The following GNA12 variants were observed in gnomAD, a reference collection of about 807,000 sequenced individuals.
GNA12 encodes G protein subunit alpha 12, also known as guanine nucleotide-binding protein subunit alpha-12.
GNA12 carries 9 observed loss-of-function variants against 26.0 expected under a neutral mutation model. That is an observed-to-expected ratio of 0.35 (90% CI 0.21 to 0.60). The LOEUF (loss-of-function observed/expected upper bound fraction) is 0.60, where lower values mean the gene tolerates loss of function less well. Ranked by LOEUF, GNA12 falls within the 20% of genes least tolerant of loss-of-function variation. GNA12 has a pLI of 0.78. For synonymous variants in GNA12, 264 were observed against 219.6 expected (o/e 1.20, Z -1.79); for missense variants, 405 against 525.8 (o/e 0.77, Z 2.25).
intron 1 of GNA12, among the ~76,000 whole-genome samples, chr7:2,796,171 C>G (rs1055068967): frequency 6.6e-6 from 1 of 152,120 alleles, no homozygotes; most frequent in Non-Finnish European, 1.5e-5. Context: ...AGCCTCCACC[C>G]CTTATCCGTG....
chr7:2,841,397 G>A (rs1284608586), intron 1 of GNA12, among the ~76,000 whole-genome samples: 1 of 152,150 alleles, frequency 6.6e-6, no homozygotes, highest in African/African-American at 2.4e-5. Context: ...TTTTATGCCT[G>A]CCTGGTTCTG....
chr7:2,781,149 TAC>T (rs1224389623), intron 2 of GNA12, among the ~76,000 whole-genome samples: 3 of 152,222 alleles, frequency 2.0e-5, no homozygotes, highest in African/African-American at 7.2e-5. Context: ...CTTTGTAGGT[TAC>T]AGATAGCAAA....
At chr7:2,761,253 T>TC (rs1203126086) in intron 2 of GNA12, among the ~76,000 whole-genome samples, 5 of 151,910 alleles carry the variant, frequency 3.3e-5, no homozygotes, top group Non-Finnish European at 7.4e-5. Flanking sequence ...GATGGCACAG[T>TC]CCCCCTCTGG....
chr7:2,740,976 C>G (rs551701195), intron 2 of GNA12, among the ~76,000 whole-genome samples: 1 of 152,318 alleles, frequency 6.6e-6, no homozygotes, highest in South Asian at 2.1e-4. Flanking sequence ...ACCCGGGAGG[C>G]AGAGCTTGCA....
chr7:2,762,376 C>T (rs1791602114), intron 2 of GNA12: 2 of 439,304 alleles, frequency 4.6e-6, no homozygotes, highest in East Asian at 3.7e-5. Context: ...CACGGTATGG[C>T]GGTTCCCACT....
At chr7:2,840,698 A>T (rs184716652) in intron 1 of GNA12, among the ~76,000 whole-genome samples, 12 of 152,064 alleles carry the variant, frequency 7.9e-5, no homozygotes, top group Non-Finnish European at 1.8e-4. Context: ...ATCTCTACAA[A>T]AATGAGCTGG....
intron 1 of GNA12, among the ~76,000 whole-genome samples, chr7:2,831,376 TA>T (rs1272962548): frequency 6.6e-6 from 1 of 150,424 alleles, no homozygotes; most frequent in Non-Finnish European, 1.5e-5. Context: ...CTCCCCACCC[TA>T]AAACTAAAAT....
intron 2 of GNA12, among the ~76,000 whole-genome samples, chr7:2,761,878 C>A (rs955271218): frequency 2.0e-5 from 3 of 152,190 alleles, no homozygotes; most frequent in Non-Finnish European, 1.5e-5. Flanking sequence ...TAAAATTCGG[C>A]TTCCAGCTGG....
At chr7:2,803,220 C>G (rs1792856784) in intron 1 of GNA12, among the ~76,000 whole-genome samples, 1 of 152,200 alleles carries the variant, frequency 6.6e-6, no homozygotes, top group South Asian at 2.1e-4. Flanking sequence ...GAGGCCAGCC[C>G]CATAACTGGA....
In GNA12 at chr7:2,729,653, TCGGGG is replaced by T. The variant is rs1789788574; in HGVS notation, c.*1523_*1527del. ...AGCCAAGGGTGAGCTGCAGAGGGGC[TCGGGG>T]CTCGGGGCAGCACGGCCTCGGGACG... On this transcript the variant is annotated 3_prime_UTR_variant, in exon 4 of 4. Coordinates refer to ENST00000275364, the MANE Select transcript of GNA12 (RefSeq NM_007353.3). 1 of 152,086 alleles carries T rather than the reference TCGGGG, an allele frequency of 6.6e-6. No homozygotes were observed. Among genetic ancestry groups the T allele is most frequent in the South Asian group, 2.1e-4 (1 of 4,808 alleles). 9.4% of individuals were successfully genotyped at this position (152,086 alleles called of 1,614,324 possible). A position where few individuals can be genotyped will look rare whatever the true frequency, so the allele number is the denominator to read the frequency against.
intron 2 of GNA12, among the ~76,000 whole-genome samples, chr7:2,744,786 A>G (rs561386460): frequency 8.8e-4 from 134 of 152,310 alleles, no homozygotes; most frequent in African/African-American, 3.2e-3. Context: ...AATTAGACAA[A>G]TGGATAACTA....
At chr7:2,830,227 A>G (rs1207588024) in intron 1 of GNA12, among the ~76,000 whole-genome samples, 1 of 140,242 alleles carries the variant, frequency 7.1e-6, no homozygotes, top group East Asian at 1.9e-4. Context: ...CAGGAAATGC[A>G]CTACACACCC....
intron 1 of GNA12, among the ~76,000 whole-genome samples, chr7:2,800,410 C>G (rs1025699893): frequency 5.9e-5 from 9 of 152,058 alleles, no homozygotes; most frequent in Non-Finnish European, 1.3e-4. Flanking sequence ...GTTACAGAAA[C>G]CTACACAGGT....
intron 2 of GNA12, among the ~76,000 whole-genome samples, chr7:2,781,637 C>T (rs6970963): frequency 0.42 from 63,724 of 151,954 alleles, 13,611 homozygotes; most frequent in Admixed American, 0.47. Context: ...GGTCTAAAGA[C>T]ATGTAGCTGT....
At chr7:2,763,063 C>T (rs939918484) in intron 2 of GNA12, 3 of 1,246,284 alleles carry the variant, frequency 2.4e-6, no homozygotes, top group Non-Finnish European at 3.0e-6. Flanking sequence ...GGACGCAGAC[C>T]GGGGCTCCCT....
chr7:2,805,308 C>A (rs530791542), intron 1 of GNA12, among the ~76,000 whole-genome samples: 21 of 152,252 alleles, frequency 1.4e-4, no homozygotes, highest in Non-Finnish European at 2.9e-4. Context: ...ATAAATAACT[C>A]TGCGAGGAAT....
At chr7:2,792,681 C>A (rs1422214020) in intron 2 of GNA12, among the ~76,000 whole-genome samples, 1 of 152,236 alleles carries the variant, frequency 6.6e-6, no homozygotes, top group Non-Finnish European at 1.5e-5. Flanking sequence ...TCCAGCCCTG[C>A]TCTTTAGGAG....
Position 2,731,561 on chromosome 7 carries a change from C to T in GNA12, c.766G>A (p.Glu256Lys). 1.9e-6 allele frequency: 3 copies of T among 1,611,332 alleles called. No homozygotes were observed. Among genetic ancestry groups the T allele is most frequent in the Non-Finnish European group, 1.7e-6 (2 of 1,178,062 alleles). The part of the protein sequence containing the change: ...TSILFMVSSS[E>K]YDQVLMEDRR... ...TCCTCCATGAGGACCTGGTCGTACTCGCTGGAGGAGACCATGAACAGGATG... is the reference window on the plus strand; with the variant it reads ...TCCTCCATGAGGACCTGGTCGTACTTGCTGGAGGAGACCATGAACAGGATG... The change falls in exon 4 of 4, where the codon GAG becomes AAG. Residue 256 changes from glutamate to lysine, a missense_variant. Transcript: ENST00000275364. The surrounding 1 kb of genome is among the most constrained non-coding windows in gnomAD (Gnocchi z 6.0).
rs776211969 is a variant in GNA12 at position 2,731,482 on chromosome 7, T to A, written c.845A>T (p.Asn282Ile). ...ESMNIFETIV[N>I]NKLFFNVSII... Reference sequence around the variant, plus strand: ...GGAGACGTTGAAGAAGAGCTTGTTGTTGACGATGGTCTCGAAGATGTTCAT... The same window carrying A: ...GGAGACGTTGAAGAAGAGCTTGTTGATGACGATGGTCTCGAAGATGTTCAT... Residue 282 changes from asparagine (N) to isoleucine (I), a missense_variant, in exon 4 of 4, where the codon AAC becomes ATC. Asn to Ile is a moderately radical substitution (Grantham distance 149). Coordinates refer to ENST00000275364, the MANE Select transcript of GNA12 (RefSeq NM_007353.3). This position sits in a 1 kb window ranked among gnomAD's most constrained non-coding sequence, Gnocchi z 6.0. 6.2e-7 allele frequency: 1 copy of A among 1,613,926 alleles called. No individual in the cohort carries two copies. The highest frequency in any genetic ancestry group is 1.1e-5 in the South Asian group (1 of 91,072).
Sources: gnomAD v4.1 joint callset for allele counts (sites outside exome capture counted in the v4.1 genomes callset) on GRCh38, gnomAD v4.1.1 for gene constraint, Gnocchi (gnomAD v3.1) non-coding constraint, MANE v1.5 for transcripts, NCBI Gene and HGNC (gene_info 2026-07-23, HGNC 2026-07-21) for gene names.